Variants in NCAN observed in about 807,000 individuals in gnomAD.
NCAN encodes neurocan core protein.
Under a neutral mutation model 121.8 loss-of-function variants are expected in NCAN, and 47 were observed. The observed-to-expected ratio is 0.39, with a 90% confidence interval of 0.31 to 0.49. The LOEUF is 0.49. NCAN is among the 20% of genes least tolerant of loss of function. NCAN has a pLI of 0.92. For synonymous variants in NCAN, 633 were observed against 702.0 expected (o/e 0.90, Z 1.55); for missense variants, 1,517 against 1,773.4 (o/e 0.86, Z 2.60).
chr19:19,218,828 TA>T (rs1000189112), intron 2 of NCAN, 86 bp from the exon 3 acceptor site: 2 of 1,337,890 alleles, frequency 1.5e-6, no homozygotes, highest in Non-Finnish European at 1.9e-6. Flanking sequence ...TCAGCCCTTT[TA>T]AAAAATTTTT....
chr19:19,224,997 C>T lies in NCAN; in HGVS notation c.799C>T (p.Pro267Ser). 6.9e-7 allele frequency: 1 copy of T among 1,458,158 alleles called. No homozygotes were observed. The highest frequency in any genetic ancestry group is 1.4e-5 in the South Asian group (1 of 73,774). The allele number at this position is 1,458,158 out of a possible 1,614,324, so 90.3% of individuals were successfully genotyped here. The stretch of plus-strand genomic sequence containing the variant: ...CGCAGGCGAGGTCTTCTACGTGGGC[C>T]CGGCCCGCCGCCTGACACTGGCCGG... ...ELGGEVFYVG[P>S]ARRLTLAGAR... The change falls in exon 6 of 15, where the codon CCG becomes TCG. Residue 267 changes from proline (P) to serine (S), a missense_variant. Coordinates refer to ENST00000252575, the MANE Select transcript of NCAN (RefSeq NM_004386.3).
chr19:19,223,575 C>G (rs763586032), intron 3 of NCAN, among the ~76,000 whole-genome samples: 2 of 152,058 alleles, frequency 1.3e-5, no homozygotes, highest in African/African-American at 4.8e-5. Context: ...TGGGTTCAAG[C>G]GATTCTCCTG....
chr19:19,244,785 A>G (rs914422424), intron 12 of NCAN, among the ~76,000 whole-genome samples: 6 of 149,128 alleles, frequency 4.0e-5, no homozygotes, highest in African/African-American at 1.5e-4. Flanking sequence ...CTGGAGTACA[A>G]TAGCGCAATC....
At chr19:19,215,196 G>A (rs2060792152) in intron 1 of NCAN, among the ~76,000 whole-genome samples, 1 of 152,188 alleles carries the variant, frequency 6.6e-6, no homozygotes, top group Non-Finnish European at 1.5e-5. Context: ...AGGAGAACTG[G>A]GGAAAGGGAC....
intron 10 of NCAN, 64 bp from the exon 11 acceptor site, chr19:19,238,189 G>A (rs45520038): frequency 0.014 from 22,853 of 1,605,804 alleles, 229 homozygotes; most frequent in South Asian, 0.024. Context: ...GGCTGGCTGT[G>A]CTCATGGCTG....
At position 19,234,974 on chromosome 19, in the gene NCAN, C is replaced by G. The variant is rs763671186; in HGVS notation, c.3137-9C>G. The G allele has an allele frequency of 2.5e-6, 4 of 1,592,128 alleles. No individual in the cohort carries two copies. Among genetic ancestry groups the G allele is most frequent in the South Asian group, 1.1e-5 (1 of 89,824 alleles). On this transcript the variant is annotated splice_polypyrimidine_tract_variant and intron_variant, in intron 9 of 14. Coordinates refer to ENST00000252575, the MANE Select transcript of NCAN (RefSeq NM_004386.3). ...GACCTCTAACTCAGTCTCTTCCCCTCTCTGCCAGACATTGATGACTGCCTC... is the reference window on the plus strand; with the variant it reads ...GACCTCTAACTCAGTCTCTTCCCCTGTCTGCCAGACATTGATGACTGCCTC...
chr19:19,248,139 C>T (rs141714416), intron 13 of NCAN, among the ~76,000 whole-genome samples: 3,091 of 151,944 alleles, frequency 0.02, 40 homozygotes, highest in Non-Finnish European at 0.031. Flanking sequence ...CAAAGGAAGA[C>T]GCTCTTTTAA....
chr19:19,235,969 ACTC>A (rs952323531), intron 10 of NCAN, among the ~76,000 whole-genome samples: 8 of 151,754 alleles, frequency 5.3e-5, no homozygotes, highest in South Asian at 2.1e-4. Context: ...CTGGTCTTGA[ACTC>A]CTGAGCTCAA....
chr19:19,248,596 G>C, intron 13 of NCAN, 104 bp from the exon 14 acceptor site: 1 of 1,223,506 alleles, frequency 8.2e-7, no homozygotes, highest in South Asian at 1.4e-5. Flanking sequence ...CTGCACTCCA[G>C]TCTGGGTGAC....
intron 12 of NCAN, among the ~76,000 whole-genome samples, chr19:19,245,025 T>C (rs2060919271): frequency 6.6e-6 from 1 of 152,162 alleles, no homozygotes; most frequent in Non-Finnish European, 1.5e-5. Flanking sequence ...TCCCACCACT[T>C]ATCTAACACT....
At chr19:19,221,278 G>C (rs1568594969) in intron 3 of NCAN, among the ~76,000 whole-genome samples, 1 of 151,680 alleles carries the variant, frequency 6.6e-6, no homozygotes, top group Non-Finnish European at 1.5e-5. Flanking sequence ...AGTGGCTCAC[G>C]CCTGTAATCC....
chr19:19,245,846 T>A (rs2060922564), intron 13 of NCAN, among the ~76,000 whole-genome samples: 1 of 151,958 alleles, frequency 6.6e-6, no homozygotes, highest in Admixed American at 6.6e-5. Flanking sequence ...TAGATTAGTA[T>A]TTGCCAGGGG....
chr19:19,230,397 C>A (rs965070409), intron 8 of NCAN, among the ~76,000 whole-genome samples: 3 of 111,628 alleles, frequency 2.7e-5, no homozygotes, highest in African/African-American at 1.0e-4. Flanking sequence ...CACCCCCCAC[C>A]CCCAAATTTT....
At chr19:19,228,924 G>A (rs1174465134) in intron 8 of NCAN, among the ~76,000 whole-genome samples, 14 of 152,200 alleles carry the variant, frequency 9.2e-5, no homozygotes. Flanking sequence ...AGAGTAGTGA[G>A]TGGCCGGGCA....
rs1257729190 is a variant in NCAN, at chr19:19,227,512, C to T, written c.1892C>T (p.Pro631Leu). ...CCTGTGGCCACCTCCCCAGATCTCC[C>T]TATGATGGCCATGCTGCGTGGTCCC... The part of the protein sequence containing the change: ...AFPVATSPDL[P>L]MMAMLRGPKE... The change falls in exon 8 of 15, where the codon CCT (proline) becomes CTT (leucine). Residue 631 changes from proline (P) to leucine (L), a missense_variant. By Grantham distance (98) the Pro-to-Leu change is moderately conservative (BLOSUM62 -3). Transcript: ENST00000252575. The surrounding 1 kb of genome is among the most constrained non-coding windows in gnomAD (Gnocchi z 4.2). The T allele has an allele frequency of 6.2e-7, 1 of 1,613,894 alleles. No individual in the cohort carries two copies. Among genetic ancestry groups the T allele is most frequent in the Non-Finnish European group, 8.5e-7 (1 of 1,180,002 alleles).
rs145843705 is a variant in NCAN, at chr19:19,223,983, A to G, written c.476-38A>G. The G allele has an allele frequency of 1.7e-4, 251 of 1,489,336 alleles. 1 individual carries two copies. In the African/African-American group the frequency reaches 3.1e-3, roughly 19 times the overall value. 92.3% of individuals were successfully genotyped at this position (1,489,336 alleles called of 1,614,324 possible). A position where few individuals can be genotyped will look rare whatever the true frequency, so the allele number is the denominator to read the frequency against. ...GGTCTGTTCTTGAAGATTCCAGCAT[A>G]AGTCAACTGTCCCCCCATCCTGGAT... On this transcript the variant is annotated intron_variant, in intron 3 of 14. Transcript: ENST00000252575.
Position 19,219,079 on chromosome 19 carries a change from A to C in NCAN, c.238A>C (p.Lys80Gln), listed in dbSNP as rs1475330863. 2.5e-6 allele frequency: 4 copies of C among 1,612,478 alleles called. No homozygotes were observed. Among genetic ancestry groups the C allele is most frequent in the Non-Finnish European group, 8.5e-7 (1 of 1,179,088 alleles). The change falls in exon 3 of 15, where the codon AAG (lysine) becomes CAG (glutamine). Residue 80 changes from lysine to glutamine, a missense_variant. Physicochemically the swap from Lys to Gln is moderately conservative, Grantham distance 53 (BLOSUM62 1). Transcript: ENST00000252575. ...AGATGCCCCTCGGATAAAGTGGACCAAGGTGCGGACTGCGTCGGGCCAGCG... is the reference window on the plus strand; with the variant it reads ...AGATGCCCCTCGGATAAAGTGGACCCAGGTGCGGACTGCGTCGGGCCAGCG... ...ARDAPRIKWT[K>Q]VRTASGQRQD... is the part of the protein sequence containing the mutation.
At chr19:19,240,200 T>C (rs1440379203) in intron 11 of NCAN, among the ~76,000 whole-genome samples, 1 of 146,896 alleles carries the variant, frequency 6.8e-6, no homozygotes, top group Non-Finnish European at 1.5e-5. Context: ...CTCCCTTCCT[T>C]CCCCCTTCCC....
intron 1 of NCAN, among the ~76,000 whole-genome samples, chr19:19,215,876 C>G (rs1221242325): frequency 2.0e-5 from 3 of 152,190 alleles, no homozygotes; most frequent in Admixed American, 1.3e-4. Flanking sequence ...TCAGTCTTGG[C>G]TGTGTTAAGG....
Sources: allele counts gnomAD v4.1 joint callset (sites outside exome capture counted in the v4.1 genomes callset), GRCh38; gene constraint gnomAD v4.1.1; non-coding constraint Gnocchi (gnomAD v3.1); transcripts MANE v1.5; gene names NCBI Gene and HGNC (gene_info 2026-07-23, HGNC 2026-07-21).